The following ZNF48 variants were observed in gnomAD, a reference collection of about 807,000 sequenced individuals.
ZNF48 encodes zinc finger protein 553.
In ZNF48, 20 loss-of-function variants were observed where a neutral mutation model predicts 40.0. That is an observed-to-expected ratio of 0.50 (90% CI 0.35 to 0.73). The LOEUF is 0.73. Among genes scored for constraint, ZNF48 ranks in the 30% least tolerant of loss-of-function variants. The probability of loss-of-function intolerance (pLI) is 0.01; values close to 1 mark genes in which losing one functional copy is unlikely to be tolerated. For synonymous variants in ZNF48, 298 were observed against 329.7 expected (o/e 0.90, Z 1.04); for missense variants, 726 against 851.9 (o/e 0.85, Z 1.84).
chr16:30,390,941 G>T (rs549141314), upstream of ZNF48, among the ~76,000 whole-genome samples: 2 of 150,904 alleles, frequency 1.3e-5, no homozygotes, highest in African/African-American at 4.9e-5. Context: ...GGGTTTCAAT[G>T]TGTTAGCCAG....
At chr16:30,390,391 T>A (rs1212596858) in intron 1 of ZNF48, among the ~76,000 whole-genome samples, 1 of 151,956 alleles carries the variant, frequency 6.6e-6, no homozygotes, top group African/African-American at 2.4e-5. Context: ...ATGAATAAAC[T>A]TACATTCTTT....
chr16:30,386,520 A>C (rs985699784), intron 1 of ZNF48, among the ~76,000 whole-genome samples: 1 of 152,070 alleles, frequency 6.6e-6, no homozygotes, highest in East Asian at 1.9e-4. Flanking sequence ...AAAAAATACA[A>C]AAATTAGCTG....
chr16:30,380,157 G>C (rs1019785247), intron 1 of ZNF48: 2 of 629,746 alleles, frequency 3.2e-6, no homozygotes, highest in African/African-American at 3.8e-5. Context: ...ATGAAAGACA[G>C]AGATGGGGAG....
Position 30,381,628 on chromosome 16 carries a change from A to C in ZNF48, c.-16+3218A>C. The C allele has an allele frequency of 6.7e-7, 1 of 1,487,442 alleles. No individual in the cohort carries two copies. Among genetic ancestry groups the C allele is most frequent in the Non-Finnish European group, 9.1e-7 (1 of 1,093,596 alleles). 92.1% of individuals were successfully genotyped at this position (1,487,442 alleles called of 1,614,324 possible). The stretch of plus-strand genomic sequence containing the variant: ...GGGCCTAGGTGAGTCATCAAGAAGC[A>C]CAGGGACCCAGTGGCCCTCTGAAAC... On this transcript the variant is annotated intron_variant, in intron 1 of 2. Transcript: ENST00000528032. This position sits in a 1 kb window ranked among gnomAD's most constrained non-coding sequence, Gnocchi z 4.3.
At chr16:30,393,542 G>C (rs536397988), upstream of ZNF48, among the ~76,000 whole-genome samples, 2 of 151,534 alleles carry the variant, frequency 1.3e-5, no homozygotes, top group Non-Finnish European at 2.9e-5. Flanking sequence ...GTGCCACCAC[G>C]CCCTGCTAAG....
chr16:30,388,137 A>AT (rs895267732), intron 1 of ZNF48, among the ~76,000 whole-genome samples: 1 of 151,088 alleles, frequency 6.6e-6, no homozygotes, highest in African/African-American at 2.4e-5. Flanking sequence ...CGCTTGGCTA[A>AT]TTTTTTTTGT....
rs374516762 is a variant in ZNF48, at chr16:30,398,842, G to A, written c.1592G>A (p.Arg531Gln). Residue 531 changes from arginine to glutamine, a missense_variant, in exon 3 of 3, where the codon CGA becomes CAA. Arg to Gln is a conservative substitution (Grantham distance 43, BLOSUM62 1). Coordinates refer to ENST00000613509, the MANE Select transcript of ZNF48 (RefSeq NM_001214909.2). The surrounding 1 kb of genome is among the most constrained non-coding windows in gnomAD (Gnocchi z 6.6). Reference protein sequence around the residue: ...PGPVPMAPRPRVRAQPSGPSQ... With the variant: ...PGPVPMAPRPQVRAQPSGPSQ... ...CCAGTACCCATGGCCCCTCGACCCC[G>A]AGTTCGGGCCCAGCCTTCTGGACCC... 80 of 1,613,698 alleles carry A rather than the reference G, an allele frequency of 5.0e-5. 1 individual carries two copies. In the African/African-American group the frequency reaches 5.6e-4, roughly 11 times the overall value.
Position 30,382,645 on chromosome 16 carries a change from C to G in ZNF48, c.-16+4235C>G. 10 of 1,540,006 alleles carry G rather than the reference C, an allele frequency of 6.5e-6. No individual in the cohort carries two copies. Among genetic ancestry groups the G allele is most frequent in the Non-Finnish European group, 8.7e-6 (10 of 1,144,594 alleles). On this transcript the variant is annotated intron_variant, in intron 1 of 2. Transcript: ENST00000528032. This position sits in a 1 kb window ranked among gnomAD's most constrained non-coding sequence, Gnocchi z 4.8. The stretch of plus-strand genomic sequence containing the variant: ...GAGGCAGCTGAGATGCTCAAACTGG[C>G]CCAGTCCCAGAGAGGTGGGGAAGGC...
At chr16:30,378,584 C>CG in intron 1 of ZNF48, 2 of 1,609,336 alleles carry the variant, frequency 1.2e-6, no homozygotes, top group Non-Finnish European at 8.5e-7. Flanking sequence ...GGGCATCGGT[C>CG]GGGGGGAAGC....
At chr16:30,379,242 G>A (rs973752036) in intron 1 of ZNF48, 2 of 1,594,602 alleles carry the variant, frequency 1.3e-6, no homozygotes, top group South Asian at 1.1e-5. Context: ...CAACCCACCC[G>A]TAAGGGTCGG....
intron 1 of ZNF48, among the ~76,000 whole-genome samples, chr16:30,383,694 A>G (rs1375706339): frequency 6.6e-6 from 1 of 152,100 alleles, no homozygotes; most frequent in Non-Finnish European, 1.5e-5. Flanking sequence ...CTCCCCAGTA[A>G]CTCAGAGTCA....
In ZNF48 at chr16:30,382,302, C is replaced by G; in HGVS notation, c.-16+3892C>G. The G allele has an allele frequency of 1.2e-6, 2 of 1,613,872 alleles. No homozygotes were observed. Among genetic ancestry groups the G allele is most frequent in the Non-Finnish European group, 1.7e-6 (2 of 1,179,850 alleles). On this transcript the variant is annotated intron_variant, in intron 1 of 2. Transcript: ENST00000528032. This position sits in a 1 kb window ranked among gnomAD's most constrained non-coding sequence, Gnocchi z 4.8. ...GCCACCATTAGCGTGAAGTCAAACC[C>G]CTTCTTGACAGACTTGCGGTGCAGC...
rs1407219767 is a variant in ZNF48 at position 30,395,505 on chromosome 16, C to T, written c.-89C>T. On this transcript the variant is annotated 5_prime_UTR_variant, in exon 1 of 3. Transcript: ENST00000613509. The surrounding 1 kb of genome is among the most constrained non-coding windows in gnomAD (Gnocchi z 5.9). ...GGAGCCTGCATCCCGGAGCCGCTGG[C>T]GGCTCGGGCGCCTGCACCCCGCTGA... The T allele has an allele frequency of 6.4e-6, 2 of 310,596 alleles. No individual in the cohort carries two copies. Among genetic ancestry groups the T allele is most frequent in the African/African-American group, 2.3e-5 (1 of 43,088 alleles). The allele number at this position is 310,596 out of a possible 1,614,324, so 19.2% of individuals were successfully genotyped here.
chr16:30,381,423 C>G lies in ZNF48; in HGVS notation c.-16+3013C>G. Reference sequence around the variant, plus strand: ...CTTCCGGTTCAGGCCACTCTCATCCCTAAGGTACTGCTCAAATTGCTCCTC... The same window carrying G: ...CTTCCGGTTCAGGCCACTCTCATCCGTAAGGTACTGCTCAAATTGCTCCTC... On this transcript the variant is annotated intron_variant, in intron 1 of 2. Transcript: ENST00000528032. The surrounding 1 kb of genome is among the most constrained non-coding windows in gnomAD (Gnocchi z 4.3). 6.2e-7 allele frequency: 1 copy of G among 1,614,088 alleles called. No homozygotes were observed.
chr16:30,380,111 C>A, intron 1 of ZNF48: 1 of 1,196,246 alleles, frequency 8.4e-7, no homozygotes, highest in Non-Finnish European at 1.2e-6. Flanking sequence ...CAGTGAGACA[C>A]AGAGATACTG....
intron 1 of ZNF48, chr16:30,379,452 G>A: frequency 6.2e-7 from 1 of 1,613,852 alleles, no homozygotes; most frequent in Non-Finnish European, 8.5e-7. Context: ...GGTCCCCCAG[G>A]AGTAGCGGCG....
At chr16:30,380,611 ATTT>A (rs10530997) in intron 1 of ZNF48, 112,231 of 158,626 alleles carry the variant, frequency 0.71, 40,111 homozygotes, top group East Asian at 0.92. Context: ...CCAAAAAAAT[ATTT>A]TTTAAGTTAG....
At position 30,398,013 on chromosome 16, in the gene ZNF48, C is replaced by A; in HGVS notation, c.763C>A (p.Arg255=). ...GCCCCCCCGACCAGTGGTGCCCCGA[C>A]GGCAGCCATCTCGGGCAGCCACGGC... The part of the protein sequence containing the change: ...EQPPRPVVPR[R]QPSRAATAAT... Residue 255 remains arginine (R), a synonymous_variant, in exon 3 of 3, where the codon CGG becomes AGG. Coordinates refer to ENST00000613509, the MANE Select transcript of ZNF48 (RefSeq NM_001214909.2). This position sits in a 1 kb window ranked among gnomAD's most constrained non-coding sequence, Gnocchi z 6.6. 1.9e-6 allele frequency: 3 copies of A among 1,612,684 alleles called. No individual in the cohort carries two copies. Among genetic ancestry groups the A allele is most frequent in the Non-Finnish European group, 2.5e-6 (3 of 1,179,260 alleles).
At chr16:30,394,323 CAT>C (rs2049963299), upstream of ZNF48, among the ~76,000 whole-genome samples, 1 of 152,194 alleles carries the variant, frequency 6.6e-6, no homozygotes, top group South Asian at 2.1e-4. Context: ...TGAATTAATG[CAT>C]AAACCACAGT....
Sources: gnomAD v4.1 joint callset for allele counts (sites outside exome capture counted in the v4.1 genomes callset) on GRCh38, gnomAD v4.1.1 for gene constraint, Gnocchi (gnomAD v3.1) non-coding constraint, MANE v1.5 for transcripts, NCBI Gene and HGNC (gene_info 2026-07-23, HGNC 2026-07-21) for gene names.